Variants in MUC17 observed in about 807,000 individuals in gnomAD.
MUC17 encodes the protein mucin-17.
A neutral mutation model predicts 170.3 loss-of-function variants in MUC17; 190 were observed. The observed-to-expected ratio is 1.12, with a 90% confidence interval of 0.99 to 1.26. The LOEUF is 1.26. Among genes scored for constraint, MUC17 ranks in the 50% most tolerant of loss-of-function variants. The probability of loss-of-function intolerance (pLI) is 0.00; values close to 1 mark genes in which losing one functional copy is unlikely to be tolerated. For synonymous variants in MUC17, 2,325 were observed against 2,002.5 expected, an observed-to-expected ratio of 1.16 and a Z score of -4.30; for missense variants, 6,415 against 5,530.0, an observed-to-expected ratio of 1.16 and a Z score of -5.08.
In MUC17 at chr7:101,039,229, G is replaced by A. The variant is rs374887577; in HGVS notation, c.7813G>A (p.Val2605Ile). 1 of 1,613,522 alleles carries A rather than the reference G, an allele frequency of 6.2e-7. No homozygotes were observed. ...STTPVDTSIP[V>I]TTSTETSSSP... ...AACTCCTGTTGACACCAGCATACCT[G>A]TCACCACTTCTACTGAAACCAGTTC... Residue 2605 changes from valine to isoleucine, a missense_variant, in exon 3 of 13, where the codon GTC becomes ATC. Coordinates refer to ENST00000306151, the MANE Select transcript of MUC17 (RefSeq NM_001040105.2).
rs1373268490 is a variant in MUC17, at chr7:101,039,737, C to T, written c.8321C>T (p.Thr2774Ile). The T allele has an allele frequency of 2.5e-6, 4 of 1,610,472 alleles. No individual in the cohort carries two copies. In the African/African-American group the frequency reaches 4.0e-5, roughly 16 times the overall value. ...TCTGAGGCTAGCACCGTTTCAACAA[C>T]TGCTGTTGACACCAGCATACCTGTC... is the stretch of plus-strand genomic sequence containing the variant. ...ASSEASTVSTTAVDTSIPVTT... is the reference protein window; with the variant it reads ...ASSEASTVSTIAVDTSIPVTT... The change falls in exon 3 of 13, where the codon ACT becomes ATT. Residue 2774 changes from threonine to isoleucine, a missense_variant. Physicochemically the swap from Thr to Ile is moderately conservative, Grantham distance 89. Coordinates refer to ENST00000306151, the MANE Select transcript of MUC17 (RefSeq NM_001040105.2).
In MUC17 at chr7:101,033,940, G is replaced by T. The variant is rs146441081; in HGVS notation, c.2524G>T (p.Glu842Ter). The change falls in exon 3 of 13, where the codon GAA becomes TAA. Residue 842 changes from glutamate (E) to a stop codon, truncating the protein, a stop_gained. Coordinates refer to ENST00000306151, the MANE Select transcript of MUC17 (RefSeq NM_001040105.2). LOFTEE classifies it high-confidence loss of function. ...CAACAGTCCTGTGACCACTTCTACT[G>T]AAGTCAGTTCATCTCCTACACCTGC... is the stretch of plus-strand genomic sequence containing the variant. ...DSNSPVTTST[E>*]VSSSPTPAEG... 6 of 1,613,630 alleles carry T rather than the reference G, an allele frequency of 3.7e-6. No homozygotes were observed. In the East Asian group the frequency reaches 1.3e-4, roughly 36 times the overall value.
rs765027755 is a variant in MUC17, at chr7:101,042,418, A to C, written c.11002A>C (p.Thr3668Pro). Reference protein sequence around the residue: ...LPVDTSTPVITSTQVSSSPVT... With the variant: ...LPVDTSTPVIPSTQVSSSPVT... ...TGTTGACACCAGCACACCTGTGATC[A>C]CTTCTACCCAAGTCAGTTCATCTCC... Residue 3668 changes from threonine to proline, a missense_variant, in exon 3 of 13, where the codon ACT becomes CCT. Thr to Pro is a conservative substitution (Grantham distance 38). Transcript: ENST00000306151. The C allele has an allele frequency of 1.9e-6, 3 of 1,614,092 alleles. No homozygotes were observed. The highest frequency in any genetic ancestry group is 4.5e-5 in the East Asian group (2 of 44,862).
At chr7:101,055,889 A>G (rs1030913345) in intron 11 of MUC17, among the ~76,000 whole-genome samples, 7 of 152,238 alleles carry the variant, frequency 4.6e-5, no homozygotes, top group African/African-American at 1.7e-4. Flanking sequence ...ATCTTTGGAA[A>G]TTTTTTTCAA....
chr7:101,041,839 G>T lies in MUC17; in HGVS notation c.10423G>T (p.Ala3475Ser). Residue 3475 changes from alanine to serine, a missense_variant, in exon 3 of 13, where the codon GCT becomes TCT. Physicochemically the swap from Ala to Ser is moderately conservative, Grantham distance 99. Coordinates refer to ENST00000306151, the MANE Select transcript of MUC17 (RefSeq NM_001040105.2). ...TACCACGCCGGTGGCCAGTTCTGAGGCTAGCACCCTTTCAACAACTCCTGT... is the reference window on the plus strand; with the variant it reads ...TACCACGCCGGTGGCCAGTTCTGAGTCTAGCACCCTTTCAACAACTCCTGT... ...LSTTPVASSE[A>S]STLSTTPVDT... is the part of the protein sequence containing the mutation. 6.2e-7 allele frequency: 1 copy of T among 1,613,738 alleles called. No homozygotes were observed.
chr7:101,022,119 C>T (rs1056167191), intron 1 of MUC17, among the ~76,000 whole-genome samples: 2 of 151,636 alleles, frequency 1.3e-5, no homozygotes, highest in African/African-American at 4.8e-5. Context: ...CTGTCCCCAT[C>T]TAGCACTTCC....
At chr7:101,022,393 G>A (rs1347205428) in intron 1 of MUC17, among the ~76,000 whole-genome samples, 2 of 152,108 alleles carry the variant, frequency 1.3e-5, no homozygotes, top group African/African-American at 4.8e-5. Flanking sequence ...TCTTGAACTC[G>A]GAATCTCAGG....
At chr7:101,050,923 C>T (rs1223550945) in intron 7 of MUC17, among the ~76,000 whole-genome samples, 6 of 152,020 alleles carry the variant, frequency 3.9e-5, no homozygotes, top group African/African-American at 1.2e-4. Context: ...CGTCCCGGAA[C>T]CTGCAAGGCC....
intron 1 of MUC17, among the ~76,000 whole-genome samples, chr7:101,030,830 G>T (rs922263016): frequency 2.0e-5 from 3 of 152,106 alleles, no homozygotes; most frequent in Non-Finnish European, 4.4e-5. Flanking sequence ...TGACCTCCTG[G>T]GCTCAAGCGA....
At chr7:101,030,626 TGGTGCCA>T (rs1794261912) in intron 1 of MUC17, among the ~76,000 whole-genome samples, 2 of 152,196 alleles carry the variant, frequency 1.3e-5, no homozygotes, top group African/African-American at 2.4e-5. Context: ...TAGAGTGCAG[TGGTGCCA>T]TCATAGCTCA....
At chr7:101,024,827 C>T (rs1284418155) in intron 1 of MUC17, among the ~76,000 whole-genome samples, 1 of 149,630 alleles carries the variant, frequency 6.7e-6, no homozygotes, top group Non-Finnish European at 1.5e-5. Context: ...ACTGCAACCT[C>T]CACCTCCATC....
chr7:101,034,646 C>A lies in MUC17; in HGVS notation c.3230C>A (p.Ser1077Tyr), dbSNP rs570169897. 1 of 1,604,228 alleles carries A rather than the reference C, an allele frequency of 6.2e-7. No individual in the cohort carries two copies. The highest frequency in any genetic ancestry group is 1.3e-5 in the African/African-American group (1 of 74,762). The part of the protein sequence containing the change: ...ADTSTPVTTY[S>Y]QASSSSTTAD... ...ACCAGCACACCTGTGACCACTTATT[C>A]TCAAGCCAGTTCATCTTCTACAACT... Residue 1077 changes from serine (S) to tyrosine (Y), a missense_variant, in exon 3 of 13, where the codon TCT (serine) becomes TAT (tyrosine). Physicochemically the swap from Ser to Tyr is moderately radical, Grantham distance 144. Coordinates refer to ENST00000306151, the MANE Select transcript of MUC17 (RefSeq NM_001040105.2).
chr7:101,041,717 C>A lies in MUC17; in HGVS notation c.10301C>A (p.Thr3434Asn). The change falls in exon 3 of 13, where the codon ACT becomes AAT. Residue 3434 changes from threonine to asparagine, a missense_variant. Coordinates refer to ENST00000306151, the MANE Select transcript of MUC17 (RefSeq NM_001040105.2). ...TCCAACACTCTGGTGACCACTTCTA[C>A]TGAAGCCAGTTCATCTCCTACAATC... The part of the protein sequence containing the change: ...VDSNTLVTTS[T>N]EASSSPTIAE... The A allele has an allele frequency of 6.2e-7, 1 of 1,613,442 alleles. No homozygotes were observed. Among genetic ancestry groups the A allele is most frequent in the East Asian group, 2.2e-5 (1 of 44,794 alleles).
chr7:101,039,352 G>A lies in MUC17; in HGVS notation c.7936G>A (p.Ala2646Thr). ...TSILVSTMPV[A>T]SSEASTLSTT... ...TATACTTGTCAGCACCATGCCAGTGGCCAGTTCTGAGGCTAGCACCCTTTC... is the reference window on the plus strand; with the variant it reads ...TATACTTGTCAGCACCATGCCAGTGACCAGTTCTGAGGCTAGCACCCTTTC... The change falls in exon 3 of 13, where the codon GCC becomes ACC. Residue 2646 changes from alanine to threonine, a missense_variant. Physicochemically the swap from Ala to Thr is moderately conservative, Grantham distance 58. Coordinates refer to ENST00000306151, the MANE Select transcript of MUC17 (RefSeq NM_001040105.2). The A allele has an allele frequency of 6.2e-7, 1 of 1,613,208 alleles. No individual in the cohort carries two copies. The highest frequency in any genetic ancestry group is 8.5e-7 in the Non-Finnish European group (1 of 1,179,580).
intron 1 of MUC17, among the ~76,000 whole-genome samples, chr7:101,023,680 A>G (rs1794133337): frequency 6.6e-6 from 1 of 152,208 alleles, no homozygotes; most frequent in Non-Finnish European, 1.5e-5. Flanking sequence ...TGTGGGGATT[A>G]CAGGCATGAG....
intron 1 of MUC17, among the ~76,000 whole-genome samples, chr7:101,025,737 C>A (rs1011282320): frequency 6.7e-6 from 1 of 148,886 alleles, no homozygotes; most frequent in Non-Finnish European, 1.5e-5. Flanking sequence ...GAGGTTGCAG[C>A]GAGCCAGGAT....
intron 2 of MUC17, 28 bp downstream of exon 2, chr7:101,031,249 T>C: frequency 6.3e-7 from 1 of 1,597,992 alleles, no homozygotes. Flanking sequence ...AAGATCTATC[T>C]GGGAAGGTGG....
At position 101,036,246 on chromosome 7, in the gene MUC17, C is replaced by T. The variant is rs778593944; in HGVS notation, c.4830C>T (p.Ala1610=). Residue 1610 remains alanine (A), a synonymous_variant, in exon 3 of 13, where the codon GCC becomes GCT. Transcript: ENST00000306151. The part of the protein sequence containing the change: ...SKTQVTASTE[A]SSSTTAEGSS... ...CTCAGGTGACCGCTTCTACTGAAGCCAGTTCATCTACAACCGCTGAAGGTA... is the reference window on the plus strand; with the variant it reads ...CTCAGGTGACCGCTTCTACTGAAGCTAGTTCATCTACAACCGCTGAAGGTA... 1.9e-6 allele frequency: 3 copies of T among 1,613,884 alleles called. No individual in the cohort carries two copies. In the South Asian group the frequency reaches 3.3e-5, roughly 18 times the overall value.
In MUC17 at chr7:101,033,364, T is replaced by G. The variant is rs1432453644; in HGVS notation, c.1948T>G (p.Ser650Ala). ...GGCCAGTTCTGAGGCTAGCACCCTT[T>G]CAACAACTCCTGTTGACTCCAACAC... Reference protein sequence around the residue: ...LVASSEASTLSTTPVDSNTPV... With the variant: ...LVASSEASTLATTPVDSNTPV... Residue 650 changes from serine to alanine, a missense_variant, in exon 3 of 13, where the codon TCA becomes GCA. By Grantham distance (99) the Ser-to-Ala change is moderately conservative (BLOSUM62 1). Coordinates refer to ENST00000306151, the MANE Select transcript of MUC17 (RefSeq NM_001040105.2). The G allele has an allele frequency of 6.2e-7, 1 of 1,613,950 alleles. No homozygotes were observed. The highest frequency in any genetic ancestry group is 1.7e-5 in the Admixed American group (1 of 60,002).
Sources: gnomAD v4.1 joint callset for allele counts (sites outside exome capture counted in the v4.1 genomes callset) on GRCh38, gnomAD v4.1.1 for gene constraint, MANE v1.5 for transcripts, NCBI Gene and HGNC (gene_info 2026-07-23, HGNC 2026-07-21) for gene names.